Variants in TAFA4 observed in about 807,000 individuals in gnomAD.
TAFA4 encodes chemokine-like protein TAFA-4.
In TAFA4, 20 loss-of-function variants were observed where a neutral mutation model predicts 21.1. The observed-to-expected ratio is 0.95, with a 90% CI of 0.67 to 1.38. The LOEUF (loss-of-function observed/expected upper bound fraction) is 1.38, where lower values mean the gene tolerates loss of function less well. Ranked by LOEUF, TAFA4 falls within the 40% of genes most tolerant of loss-of-function variation. TAFA4 has a pLI of 0.00. For missense variants in TAFA4, 211 were observed against 180.9 expected (o/e 1.17, Z -0.95); for synonymous variants, 71 against 67.4 (o/e 1.05, Z -0.26).
intron 5 of TAFA4, among the ~76,000 whole-genome samples, chr3:68,734,941 A>G (rs1678632460): frequency 6.6e-6 from 1 of 152,128 alleles, no homozygotes; most frequent in South Asian, 2.1e-4. Flanking sequence ...ACTTCACTGA[A>G]GTTGGATGAT....
intron 1 of TAFA4, among the ~76,000 whole-genome samples, chr3:68,893,648 A>ATCC (rs1324651585): frequency 6.6e-6 from 1 of 152,208 alleles, no homozygotes; most frequent in Admixed American, 6.5e-5. Context: ...TACTGTTAAC[A>ATCC]AACAGCTCAT....
At chr3:68,874,161 G>C (rs1470452919) in intron 3 of TAFA4, among the ~76,000 whole-genome samples, 2 of 152,136 alleles carry the variant, frequency 1.3e-5, no homozygotes, top group Non-Finnish European at 2.9e-5. Flanking sequence ...CTTAGTTATA[G>C]TTCTTATCTG....
intron 3 of TAFA4, among the ~76,000 whole-genome samples, chr3:68,830,516 G>C (rs7638260): frequency 1 from 151,557 of 152,314 alleles, 75,407 homozygotes; most frequent in Middle Eastern, 1. Flanking sequence ...GTTTTTTAAT[G>C]CTGAGTTCTA....
intron 3 of TAFA4, among the ~76,000 whole-genome samples, chr3:68,791,830 G>A (rs978301653): frequency 3.9e-5 from 6 of 152,192 alleles, no homozygotes; most frequent in African/African-American, 1.4e-4. Flanking sequence ...CTCTAGATAT[G>A]TGAAACTTTT....
intron 4 of TAFA4, among the ~76,000 whole-genome samples, chr3:68,741,921 C>A (rs1702364428): frequency 6.6e-6 from 1 of 152,174 alleles, no homozygotes; most frequent in South Asian, 2.1e-4. Flanking sequence ...TAGGACACTA[C>A]AAAAAAGAAA....
At chr3:68,749,284 GTGGATTAACAGAAA>G (rs1475508902) in intron 4 of TAFA4, among the ~76,000 whole-genome samples, 1 of 152,204 alleles carries the variant, frequency 6.6e-6, no homozygotes, top group African/African-American at 2.4e-5. Context: ...TATCTGTGGT[GTGGATTAACAGAAA>G]TGCAAAAGGA....
At chr3:68,824,428 C>T (rs746790829) in intron 3 of TAFA4, among the ~76,000 whole-genome samples, 4 of 150,894 alleles carry the variant, frequency 2.7e-5, no homozygotes, top group East Asian at 2.0e-4. Context: ...TACATCACTC[C>T]GACCTCCGTT....
chr3:68,802,467 A>AG (rs397989991), intron 3 of TAFA4, among the ~76,000 whole-genome samples: 1 of 151,862 alleles, frequency 6.6e-6, no homozygotes, highest in East Asian at 1.9e-4. Context: ...AAAAAAAAAA[A>AG]GTACCAAGTT....
At chr3:68,866,520 T>A (rs80161542) in intron 3 of TAFA4, among the ~76,000 whole-genome samples, 1,852 of 151,686 alleles carry the variant, frequency 0.012, 42 homozygotes, top group African/African-American at 0.042. Flanking sequence ...GCAATAGACA[T>A]ATATTCACGA....
chr3:68,896,405 C>T lies in TAFA4; in HGVS notation c.-122-11095G>A, dbSNP rs77310581. Among the ~76,000 whole-genome samples the T allele has an allele frequency of 2.7e-3, 418 of 152,274 alleles. 3 individuals carry two copies. The East Asian group carries it at 0.041, about 15-fold the overall frequency. On this transcript the variant is annotated intron_variant, in intron 1 of 5. Transcript: ENST00000295569. ...ATGGCTTGGAGCAGGATGGTGACAA[C>T]ACAGCCCAAGAAAAACTGATCTTCC...
chr3:68,838,836 C>A (rs1358179785), intron 3 of TAFA4, among the ~76,000 whole-genome samples: 1 of 152,190 alleles, frequency 6.6e-6, no homozygotes, highest in East Asian at 1.9e-4. Context: ...GTGGCTCATG[C>A]CTCTAATCCC....
chr3:68,760,293 G>A (rs1343624242), intron 3 of TAFA4, among the ~76,000 whole-genome samples: 3 of 152,084 alleles, frequency 2.0e-5, no homozygotes, highest in Admixed American at 1.3e-4. Flanking sequence ...TTTAAGAAAA[G>A]TTTCAAACAA....
chr3:68,839,993 A>G (rs1308509926), intron 3 of TAFA4, among the ~76,000 whole-genome samples: 1 of 152,162 alleles, frequency 6.6e-6, no homozygotes, highest in Non-Finnish European at 1.5e-5. Context: ...TGGCTGTCTT[A>G]CGCCCTCCTC....
intron 3 of TAFA4, among the ~76,000 whole-genome samples, chr3:68,877,156 C>T (rs1462022905): frequency 6.6e-6 from 1 of 151,796 alleles, no homozygotes; most frequent in Non-Finnish European, 1.5e-5. Flanking sequence ...GTCAGGAGTT[C>T]GAGACCAGCC....
intron 3 of TAFA4, among the ~76,000 whole-genome samples, chr3:68,758,581 T>C (rs890809943): frequency 6.6e-6 from 1 of 152,230 alleles, no homozygotes; most frequent in African/African-American, 2.4e-5. Flanking sequence ...ATTAAACCTC[T>C]TTTCCTTTAT....
intron 3 of TAFA4, among the ~76,000 whole-genome samples, chr3:68,769,563 G>T (rs913568199): frequency 6.6e-6 from 1 of 152,138 alleles, no homozygotes; most frequent in African/African-American, 2.4e-5. Flanking sequence ...TGGAAGAAAA[G>T]ATTTTGAGCA....
chr3:68,734,622 A>G (rs561248788), intron 5 of TAFA4, among the ~76,000 whole-genome samples: 1 of 152,294 alleles, frequency 6.6e-6, no homozygotes, highest in East Asian at 1.9e-4. Flanking sequence ...GGACAATTCC[A>G]AGATCTTTGG....
intron 2 of TAFA4, 145 bp downstream of exon 2, chr3:68,885,030 G>T (rs1409129290): frequency 2.8e-6 from 2 of 720,052 alleles, no homozygotes; most frequent in African/African-American, 3.6e-5. Flanking sequence ...AAGCTAAAAT[G>T]AAAAAATCAA....
chr3:68,895,020 A>T (rs371775968), intron 1 of TAFA4, among the ~76,000 whole-genome samples: 2 of 148,602 alleles, frequency 1.3e-5, no homozygotes, highest in African/African-American at 4.9e-5. Context: ...TGCTGGGCTA[A>T]TTTTTTTTTT....
Sources: gnomAD v4.1 joint callset for allele counts (sites outside exome capture counted in the v4.1 genomes callset) on GRCh38, gnomAD v4.1.1 for gene constraint, MANE v1.5 for transcripts, NCBI Gene and HGNC (gene_info 2026-07-23, HGNC 2026-07-21) for gene names.